Variants in POTEI observed in about 807,000 individuals in gnomAD.
POTEI encodes the protein POTE ankyrin domain family, member I.
Under a neutral mutation model 43.4 loss-of-function variants are expected in POTEI, and 14 were observed. That is an observed-to-expected ratio of 0.32 (90% CI 0.21 to 0.50). POTEI has a LOEUF of 0.50. Ranked by LOEUF, POTEI falls within the 20% of genes least tolerant of loss-of-function variation. POTEI has a pLI of 0.98. For missense variants in POTEI, 235 were observed against 795.4 expected, an observed-to-expected ratio of 0.30 and a Z score of 8.47; for synonymous variants, 95 against 297.9, an observed-to-expected ratio of 0.32 and a Z score of 7.01.
chr2:130,492,985 C>A (rs1231485839), intron 6 of POTEI, among the ~76,000 whole-genome samples: 1 of 150,302 alleles, frequency 6.7e-6, no homozygotes, highest in Non-Finnish European at 1.5e-5. Flanking sequence ...ACAAAAAACA[C>A]TCTTTCTCTT....
rs190662855 is a variant in POTEI, at chr2:130,488,652, A to G, written c.1243-454T>C. On this transcript the variant is annotated intron_variant, in intron 8 of 14. Coordinates refer to ENST00000451531, the MANE Select transcript of POTEI (RefSeq NM_001277406.2). ...CACACTGTGCGGCTTCAGGAACAGA[A>G]AGGAAGTTTGCCCTTTTCTGCGCTA... 1.5e-3 allele frequency among the ~76,000 whole-genome samples: 187 copies of G among 126,772 alleles called. 6 individuals carry two copies. Among genetic ancestry groups the G allele is most frequent in the Middle Eastern group, 8.3e-3 (2 of 242 alleles). The allele number at this position is 126,772 out of a possible 152,430, so 83.2% of individuals were successfully genotyped here. A position where few individuals can be genotyped will look rare whatever the true frequency, so the allele number is the denominator to read the frequency against.
Position 130,505,034 on chromosome 2 carries a change from G to A in POTEI, c.522-1140C>T, listed in dbSNP as rs1164469825. Among the ~76,000 whole-genome samples the A allele has an allele frequency of 2.4e-3, 355 of 145,406 alleles. 6 individuals are homozygous for A. The highest frequency in any genetic ancestry group is 0.01 in the Middle Eastern group (3 of 288). On this transcript the variant is annotated intron_variant, in intron 1 of 14. Coordinates refer to ENST00000451531, the MANE Select transcript of POTEI (RefSeq NM_001277406.2). The stretch of plus-strand genomic sequence containing the variant: ...TACCCAGGTGTTAAGCCCAGTACCT[G>A]TTCATTCTATTTCCTGCTTCTTTCC...
chr2:130,478,526 A>T (rs867554865), intron 10 of POTEI, among the ~76,000 whole-genome samples: 2 of 66,506 alleles, frequency 3.0e-5, no homozygotes, highest in African/African-American at 6.5e-5. Context: ...CCTGCTAAAA[A>T]ATTCTGATTG....
intron 13 of POTEI, among the ~76,000 whole-genome samples, chr2:130,474,120 G>A (rs1683103674): frequency 1.3e-5 from 2 of 149,074 alleles, no homozygotes; most frequent in East Asian, 2.0e-4. Flanking sequence ...CGTACCCGAA[G>A]CTAAAATAAA....
chr2:130,478,584 T>C (rs955805860), intron 10 of POTEI, among the ~76,000 whole-genome samples: 6 of 124,244 alleles, frequency 4.8e-5, no homozygotes, highest in African/African-American at 2.1e-4. Flanking sequence ...TTGCAGAAAA[T>C]GATTATTTAG....
Position 130,463,632 on chromosome 2 carries a change from C to A in POTEI, c.2412G>T (p.Leu804=). The change falls in exon 15 of 15, where the codon CTG becomes CTT. Residue 804 remains leucine (L), a synonymous_variant. Coordinates refer to ENST00000451531, the MANE Select transcript of POTEI (RefSeq NM_001277406.2). ...LRVAPEEHPI[L]LTEAPLNPKA... ...TGGGGTTCAGGGGGGCCTCGGTCAG[C>A]AGGATGGGGTGCTCCTCAGGGGCCA... 6.2e-7 allele frequency: 1 copy of A among 1,607,152 alleles called. No homozygotes were observed. Among genetic ancestry groups the A allele is most frequent in the Non-Finnish European group, 8.5e-7 (1 of 1,179,412 alleles).
chr2:130,467,583 C>A (rs1682873830), intron 13 of POTEI, among the ~76,000 whole-genome samples: 1 of 145,926 alleles, frequency 6.9e-6, no homozygotes. Flanking sequence ...TGAGGAAGAC[C>A]CTAAAAGCAA....
chr2:130,477,042 C>G (rs576304085), intron 10 of POTEI, among the ~76,000 whole-genome samples: 2 of 149,062 alleles, frequency 1.3e-5, no homozygotes, highest in East Asian at 3.9e-4. Context: ...CTAATAGTAC[C>G]TTATAAATGA....
chr2:130,464,339 T>C (rs1682770239), intron 14 of POTEI, among the ~76,000 whole-genome samples, 195 bp from the exon 15 acceptor site: 1 of 27,866 alleles, frequency 3.6e-5, no homozygotes, highest in African/African-American at 5.5e-5. Flanking sequence ...TTCATCGCCT[T>C]TAAATAAATA....
intron 13 of POTEI, among the ~76,000 whole-genome samples, chr2:130,468,431 G>A (rs1245242306): frequency 2.0e-5 from 3 of 152,360 alleles, no homozygotes; most frequent in South Asian, 4.1e-4. Flanking sequence ...ACGCATGGCT[G>A]GGGAGGCCTC....
intron 9 of POTEI, among the ~76,000 whole-genome samples, chr2:130,483,752 A>G (rs894349726): frequency 4.0e-5 from 6 of 148,450 alleles, no homozygotes; most frequent in Non-Finnish European, 8.9e-5. Flanking sequence ...ATGCCACCAC[A>G]CCCGGTTAAT....
chr2:130,460,287 A>G lies in POTEI; in HGVS notation c.*2529T>C, dbSNP rs1446399129. ...TCCAGAGATCAGGTCTCAGAGGAGA[A>G]CTCTCTCAAAAGTGAACCCCCAGCA... On this transcript the variant is annotated 3_prime_UTR_variant, in exon 15 of 15. Coordinates refer to ENST00000451531, the MANE Select transcript of POTEI (RefSeq NM_001277406.2). The G allele has an allele frequency of 6.6e-6, 1 of 151,626 alleles. No individual in the cohort carries two copies. The highest frequency in any genetic ancestry group is 2.0e-4 in the East Asian group (1 of 5,112). 9.4% of individuals were successfully genotyped at this position (151,626 alleles called of 1,614,324 possible).
chr2:130,460,418 A>G lies in POTEI; in HGVS notation c.*2398T>C, dbSNP rs1266013113. 2 of 152,030 alleles carry G rather than the reference A, an allele frequency of 1.3e-5. No homozygotes were observed. Among genetic ancestry groups the G allele is most frequent in the African/African-American group, 4.8e-5 (2 of 41,332 alleles). 9.4% of individuals were successfully genotyped at this position (152,030 alleles called of 1,614,324 possible). ...CCTGATCTCTGCTGGGCAATCTTGC[A>G]TATAAGATGTGGCTGGTATGACCTC... is the stretch of plus-strand genomic sequence containing the variant. On this transcript the variant is annotated 3_prime_UTR_variant, in exon 15 of 15. Coordinates refer to ENST00000451531, the MANE Select transcript of POTEI (RefSeq NM_001277406.2).
At chr2:130,468,703 T>TGG (rs3050012) in intron 13 of POTEI, among the ~76,000 whole-genome samples, 200 of 64,592 alleles carry the variant, frequency 3.1e-3, no homozygotes, top group African/African-American at 5.8e-3. Context: ...GCCAAACTAT[T>TGG]GGGGGGGGGG....
chr2:130,509,255 G>GA lies in POTEI; in HGVS notation c.-21dup, dbSNP rs1684275145. 1 of 1,184,478 alleles carries GA rather than the reference G, an allele frequency of 8.4e-7. No individual in the cohort carries two copies. Among genetic ancestry groups the GA allele is most frequent in the Non-Finnish European group, 1.2e-6 (1 of 855,186 alleles). 73.4% of individuals were successfully genotyped at this position (1,184,478 alleles called of 1,614,324 possible). A position where few individuals can be genotyped will look rare whatever the true frequency, so the allele number is the denominator to read the frequency against. On this transcript the variant is annotated 5_prime_UTR_variant, in exon 1 of 15. Transcript: ENST00000451531. ...TACCATCTGCTTTTAACAGCCTGGG[G>GA]AGGCCGGTAGTAGCGAGCAGATCAC... is the stretch of plus-strand genomic sequence containing the variant.
At chr2:130,464,785 C>T (rs2438707) in intron 14 of POTEI, among the ~76,000 whole-genome samples, 63 of 148,052 alleles carry the variant, frequency 4.3e-4, no homozygotes, top group African/African-American at 1.2e-3. Flanking sequence ...CTACATATAA[C>T]ACTGAACTCA....
chr2:130,493,908 C>T (rs1341607249), intron 6 of POTEI, among the ~76,000 whole-genome samples: 1 of 36,888 alleles, frequency 2.7e-5, no homozygotes, highest in Non-Finnish European at 5.6e-5. Context: ...TTATGTATTT[C>T]ACTAAGGACG....
At chr2:130,507,320 ACACAC>A (rs1351983113) in intron 1 of POTEI, among the ~76,000 whole-genome samples, 3 of 5,224 alleles carry the variant, frequency 5.7e-4, no homozygotes, top group African/African-American at 1.0e-3. Context: ...ATATATATAC[ACACAC>A]ACACACACAC....
chr2:130,505,075 A>T (rs1390551768), intron 1 of POTEI, among the ~76,000 whole-genome samples: 1 of 148,832 alleles, frequency 6.7e-6, no homozygotes, highest in African/African-American at 2.5e-5. Flanking sequence ...CCCACCCTCC[A>T]CCCTCTGATA....
Sources: gnomAD v4.1 joint callset for allele counts (sites outside exome capture counted in the v4.1 genomes callset) on GRCh38, gnomAD v4.1.1 for gene constraint, MANE v1.5 for transcripts, NCBI Gene and HGNC (gene_info 2026-07-23, HGNC 2026-07-21) for gene names.